The following IKZF3 variants were observed in gnomAD, a reference collection of about 807,000 sequenced individuals.
IKZF3 encodes the protein zinc finger protein Aiolos.
IKZF3 carries 10 observed loss-of-function variants against 49.0 expected under a neutral mutation model. The ratio of observed to expected loss-of-function variants is 0.20; its 90% confidence interval spans 0.13 to 0.35. The LOEUF (loss-of-function observed/expected upper bound fraction) is 0.35. IKZF3 is among the 10% of genes least tolerant of loss of function. The pLI is 1.00. For missense variants in IKZF3, 498 were observed against 664.8 expected (o/e 0.75, Z 2.76); for synonymous variants, 209 against 228.2 (o/e 0.92, Z 0.76).
chr17:39,861,139 C>T (rs149658643), intron 1 of IKZF3, among the ~76,000 whole-genome samples: 144 of 152,314 alleles, frequency 9.5e-4, no homozygotes, highest in Middle Eastern at 6.8e-3. Flanking sequence ...AACTGTCCTT[C>T]GCATTCAGTG....
chr17:39,774,343 T>A (rs1055806683), intron 7 of IKZF3, among the ~76,000 whole-genome samples: 1 of 148,526 alleles, frequency 6.7e-6, no homozygotes, highest in Non-Finnish European at 1.5e-5. Context: ...AGAGGAAATA[T>A]AGGAGAAAGG....
chr17:39,818,918 T>C (rs1387017795), intron 3 of IKZF3, among the ~76,000 whole-genome samples: 1 of 151,242 alleles, frequency 6.6e-6, no homozygotes, highest in Non-Finnish European at 1.5e-5. Context: ...TAAATAACTG[T>C]TTCTTTTCTC....
intron 1 of IKZF3, among the ~76,000 whole-genome samples, chr17:39,847,018 C>T (rs927524192): frequency 4.6e-5 from 7 of 151,876 alleles, no homozygotes; most frequent in Non-Finnish European, 8.8e-5. Flanking sequence ...TCCTTTATAC[C>T]CATACCTCTT....
At chr17:39,846,103 TTCC>T (rs1414513909) in intron 1 of IKZF3, among the ~76,000 whole-genome samples, 1 of 152,160 alleles carries the variant, frequency 6.6e-6, no homozygotes, top group African/African-American at 2.4e-5. Flanking sequence ...TTTTTGCTCT[TTCC>T]ACAACTAAAT....
intron 6 of IKZF3, chr17:39,778,270 T>C: frequency 1.3e-6 from 1 of 774,844 alleles, no homozygotes; most frequent in South Asian, 5.8e-5. Flanking sequence ...CAGTGATTTG[T>C]GTATTGAAAT....
At chr17:39,789,692 T>C (rs972632891) in intron 5 of IKZF3, among the ~76,000 whole-genome samples, 7 of 143,670 alleles carry the variant, frequency 4.9e-5, no homozygotes, top group African/African-American at 1.6e-4. Flanking sequence ...GGCGCCGCTG[T>C]ACTCCAGCCT....
At chr17:39,780,882 A>G (rs371168963) in intron 6 of IKZF3, among the ~76,000 whole-genome samples, 1 of 152,256 alleles carries the variant, frequency 6.6e-6, no homozygotes, top group South Asian at 2.1e-4. Context: ...ATAATGTGAT[A>G]ATAATGACAA....
rs758281622 is a variant in IKZF3 at position 39,788,301 on chromosome 17, C to T, written c.666G>A (p.Glu222=). 23 of 1,613,900 alleles carry T rather than the reference C, an allele frequency of 1.4e-5. No homozygotes were observed. The highest frequency in any genetic ancestry group is 1.9e-5 in the Non-Finnish European group (23 of 1,179,852). ...TGCTCTGAAGAAATGTACGGCAGCG[C>T]TCCTTGTGCTCCTCAAGGGAACTTC... ...KQRSSLEEHK[E]RCRTFLQSTD... The change falls in exon 6 of 8, where the codon GAG becomes GAA. Residue 222 remains glutamate, a synonymous_variant. Coordinates refer to ENST00000346872, the MANE Select transcript of IKZF3 (RefSeq NM_012481.5).
intron 3 of IKZF3, among the ~76,000 whole-genome samples, chr17:39,802,621 GA>G (rs2061348608): frequency 7.1e-6 from 1 of 140,236 alleles, no homozygotes; most frequent in Non-Finnish European, 1.6e-5. Context: ...AAAAAAAAAA[GA>G]AAAAAAATTA....
chr17:39,817,763 A>C (rs976159030), intron 3 of IKZF3, among the ~76,000 whole-genome samples: 1 of 152,204 alleles, frequency 6.6e-6, no homozygotes, highest in African/African-American at 2.4e-5. Context: ...ATATTTTATA[A>C]AAGCAGGGTC....
intron 1 of IKZF3, among the ~76,000 whole-genome samples, chr17:39,855,015 G>C (rs1161638798): frequency 6.6e-6 from 1 of 152,192 alleles, no homozygotes; most frequent in Admixed American, 6.5e-5. Context: ...GGCAAGTCTA[G>C]ATACAGGGTT....
chr17:39,817,119 G>A (rs770163571), intron 3 of IKZF3, among the ~76,000 whole-genome samples: 4 of 152,066 alleles, frequency 2.6e-5, no homozygotes, highest in Non-Finnish European at 4.4e-5. Flanking sequence ...CTGTCTTTCC[G>A]CAAGAGAAAA....
chr17:39,813,035 G>A (rs2061597434), intron 3 of IKZF3, among the ~76,000 whole-genome samples: 1 of 152,050 alleles, frequency 6.6e-6, no homozygotes, highest in African/African-American at 2.4e-5. Context: ...CCGGGAGGTG[G>A]AGCTTGCAGG....
rs67571561 is a variant in IKZF3, at chr17:39,764,594, T to C, written c.*1196A>G. On this transcript the variant is annotated 3_prime_UTR_variant, in exon 8 of 8. Coordinates refer to ENST00000346872, the MANE Select transcript of IKZF3 (RefSeq NM_012481.5). ...AGCACTCCTCCTGATAGTATGTACA[T>C]ATTATGAGTGACAAGGATGACTTAT... 12,944 of 151,968 alleles carry C rather than the reference T, an allele frequency of 0.085. 1,083 individuals are homozygous for C. The highest frequency in any genetic ancestry group is 0.22 in the African/African-American group (9,128 of 41,384). 9.4% of individuals were successfully genotyped at this position (151,968 alleles called of 1,614,324 possible). A position where few individuals can be genotyped will look rare whatever the true frequency, so the allele number is the denominator to read the frequency against.
At chr17:39,853,052 G>A (rs892273957) in intron 1 of IKZF3, among the ~76,000 whole-genome samples, 1 of 152,162 alleles carries the variant, frequency 6.6e-6, no homozygotes, top group Non-Finnish European at 1.5e-5. Context: ...CTTCTTTAGA[G>A]GAGAGGTCCC....
intron 7 of IKZF3, 122 bp downstream of exon 7, chr17:39,777,529 C>A: frequency 1.6e-6 from 1 of 632,394 alleles, no homozygotes; most frequent in Non-Finnish European, 2.8e-6. Context: ...TAAAAGTACA[C>A]AATGAAAAAC....
At chr17:39,839,644 T>C (rs113930796) in intron 1 of IKZF3, 7,144 of 353,876 alleles carry the variant, frequency 0.02, 106 homozygotes, top group Non-Finnish European at 0.028. Flanking sequence ...AGTGCAGTGG[T>C]ATGATTTGAG....
chr17:39,858,015 G>A (rs1326357549), intron 1 of IKZF3, among the ~76,000 whole-genome samples: 1 of 149,962 alleles, frequency 6.7e-6, no homozygotes, highest in East Asian at 1.9e-4. Flanking sequence ...GAAAATAACA[G>A]TCTAGAAGGG....
intron 1 of IKZF3, among the ~76,000 whole-genome samples, chr17:39,853,937 G>T (rs2062960156): frequency 6.6e-6 from 1 of 150,958 alleles, no homozygotes; most frequent in South Asian, 2.1e-4. Context: ...AGACCAGCCT[G>T]ACCAATATGG....
Sources: gnomAD v4.1 joint callset for allele counts (sites outside exome capture counted in the v4.1 genomes callset) on GRCh38, gnomAD v4.1.1 for gene constraint, MANE v1.5 for transcripts, NCBI Gene and HGNC (gene_info 2026-07-23, HGNC 2026-07-21) for gene names.